Variants in KRTAP9-9 observed in about 807,000 individuals in gnomAD.
The protein encoded by KRTAP9-9 is keratin associated protein 9-9.
A neutral mutation model predicts 13.7 loss-of-function variants in KRTAP9-9; 12 were observed. That is an observed-to-expected ratio of 0.88 (90% confidence interval 0.56 to 1.42). The LOEUF is 1.42. Ranked by LOEUF, KRTAP9-9 falls within the 40% of genes most tolerant of loss-of-function variation. The pLI, the probability that KRTAP9-9 is intolerant of heterozygous loss-of-function variation, is 0.00. For missense variants in KRTAP9-9, 194 were observed against 206.5 expected, an observed-to-expected ratio of 0.94 and a Z score of 0.37; for synonymous variants, 81 against 78.1, an observed-to-expected ratio of 1.04 and a Z score of -0.19.
At chr17:41,256,171 T>C in exon 1 of KRTAP9-9, 1 of 595,002 alleles carries the variant, frequency 1.7e-6, no homozygotes, top group Non-Finnish European at 2.9e-6. Flanking sequence ...AGTCAAGAGC[T>C]TCATTCTCTT....
At chr17:41,255,425 T>C in exon 1 of KRTAP9-9, 1 of 1,598,944 alleles carries the variant, frequency 6.3e-7, no homozygotes, top group Non-Finnish European at 8.5e-7. Context: ...GCCTACCTGC[T>C]GCAGGACCAC....
At chr17:41,255,985 A>G in exon 1 of KRTAP9-9, 1 of 1,563,722 alleles carries the variant, frequency 6.4e-7, no homozygotes, top group Non-Finnish European at 8.7e-7. Context: ...TACTGCTGAC[A>G]GCAACCATGT....
exon 1 of KRTAP9-9, chr17:41,255,391 C>T (rs767384512): frequency 1.3e-6 from 2 of 1,583,514 alleles, no homozygotes; most frequent in Admixed American, 1.8e-5. Context: ...ACACCATGAC[C>T]CACTGTTGCT....
At chr17:41,255,643 T>G in exon 1 of KRTAP9-9, 1 of 1,610,424 alleles carries the variant, frequency 6.2e-7, no homozygotes, top group Non-Finnish European at 8.5e-7. Flanking sequence ...CCATCTGCTG[T>G]GGGTCCAGCT....
rs756651961 is a variant in KRTAP9-9 at position 41,255,503 on chromosome 17, T to A, written c.118T>A (p.Ser40Thr). ...CTGCTGCCAGCCCTCCTGCTGTGTG[T>A]CTAGCTGCTGCCAGCCTTGCTGCCG... Residue 40 changes from serine to threonine, a missense_variant, in exon 1 of 1, where the codon TCT becomes ACT. Physicochemically the swap from Ser to Thr is moderately conservative, Grantham distance 58. Transcript: ENST00000394008. 20 of 1,611,848 alleles carry A rather than the reference T, an allele frequency of 1.2e-5. No individual in the cohort carries two copies. The African/African-American group carries it at 2.5e-4, about 21-fold the overall frequency.
At chr17:41,255,799 C>G (rs1040206003) in exon 1 of KRTAP9-9, 12 of 1,611,196 alleles carry the variant, frequency 7.4e-6, no homozygotes, top group African/African-American at 6.8e-5. Flanking sequence ...GCTGCCAGCC[C>G]TGCTGCCGCC....
At chr17:41,256,098 G>A (rs1318581653) in exon 1 of KRTAP9-9, 1 of 911,660 alleles carries the variant, frequency 1.1e-6, no homozygotes, top group Admixed American at 2.9e-5. Context: ...CTTATACCTT[G>A]TGAATCATGT....
exon 1 of KRTAP9-9, chr17:41,256,103 T>G: frequency 1.1e-6 from 1 of 900,640 alleles, no homozygotes; most frequent in South Asian, 1.8e-5. Flanking sequence ...ACCTTGTGAA[T>G]CATGTGCCAG....
chr17:41,255,741 C>A (rs763566324), exon 1 of KRTAP9-9: 5 of 1,613,952 alleles, frequency 3.1e-6, no homozygotes, highest in South Asian at 1.1e-5. Flanking sequence ...TACTACCCGA[C>A]GACTGTCTGC....
At chr17:41,255,977 C>A in exon 1 of KRTAP9-9, 2 of 1,569,304 alleles carry the variant, frequency 1.3e-6, no homozygotes, top group Non-Finnish European at 1.7e-6. Context: ...ATTTACCTTA[C>A]TGCTGACAGC....
At chr17:41,255,795 A>T in exon 1 of KRTAP9-9, 1 of 1,613,092 alleles carries the variant, frequency 6.2e-7, no homozygotes, top group Non-Finnish European at 8.5e-7. Flanking sequence ...AGCTGCTGCC[A>T]GCCCTGCTGC....
chr17:41,255,403 C>A (rs762654417), exon 1 of KRTAP9-9: 2 of 1,261,382 alleles, frequency 1.6e-6, no homozygotes, highest in South Asian at 3.5e-5. Flanking sequence ...ACTGTTGCTC[C>A]CCTTGCTGTC....
exon 1 of KRTAP9-9, chr17:41,255,788 T>C: frequency 6.2e-7 from 1 of 1,613,664 alleles, no homozygotes. Context: ...TGGATCCAGC[T>C]GCTGCCAGCC....
chr17:41,256,252 A>C, exon 1 of KRTAP9-9: 1 of 366,572 alleles, frequency 2.7e-6, no homozygotes. Flanking sequence ...CAATATACTC[A>C]TGATTCTTGT....
chr17:41,255,939 C>T, exon 1 of KRTAP9-9: 1 of 1,602,840 alleles, frequency 6.2e-7, no homozygotes, highest in Non-Finnish European at 8.5e-7. Context: ...CAACCTTCTG[C>T]TCAACTGACT....
exon 1 of KRTAP9-9, chr17:41,255,738 C>G (rs765763569): frequency 3.1e-6 from 5 of 1,613,736 alleles, no homozygotes; most frequent in South Asian, 2.2e-5. Context: ...TGCTACTACC[C>G]GACGACTGTC....
exon 1 of KRTAP9-9, chr17:41,255,409 C>T: frequency 3.1e-6 from 5 of 1,591,586 alleles, no homozygotes; most frequent in Non-Finnish European, 4.3e-6. Context: ...GCTCCCCTTG[C>T]TGTCAGCCTA....
At chr17:41,256,248 A>G in exon 1 of KRTAP9-9, 3 of 381,834 alleles carry the variant, frequency 7.9e-6, no homozygotes, top group East Asian at 1.1e-4. Flanking sequence ...TTTTCAATAT[A>G]CTCATGATTC....
At chr17:41,255,539 T>C (rs770920777) in exon 1 of KRTAP9-9, 4 of 1,613,278 alleles carry the variant, frequency 2.5e-6, no homozygotes, top group South Asian at 2.2e-5. Flanking sequence ...CCCAGCTTGC[T>C]GTCAAAACAC....
Sources: gnomAD v4.1 joint callset for allele counts on GRCh38, gnomAD v4.1.1 for gene constraint, MANE v1.5 for transcripts, NCBI Gene and HGNC (gene_info 2026-07-23, HGNC 2026-07-21) for gene names.